Variants in PRSS56 observed in about 807,000 individuals in gnomAD.
PRSS56 encodes the protein protease, serine 56.
In PRSS56, 55 loss-of-function variants were observed where a neutral mutation model predicts 66.8. The ratio of observed to expected loss-of-function variants is 0.82; its 90% CI spans 0.66 to 1.03. The LOEUF (loss-of-function observed/expected upper bound fraction) is 1.03. PRSS56 is among the 50% of genes least tolerant of loss of function. The pLI, the probability that PRSS56 is intolerant of heterozygous loss-of-function variation, is 0.00. For missense variants in PRSS56, 869 were observed against 837.2 expected (o/e 1.04, Z -0.47); for synonymous variants, 409 against 387.9 (o/e 1.05, Z -0.64).
chr2:232,523,005 C>A, intron 6 of PRSS56, 55 bp from the exon 7 acceptor site: 2 of 1,516,452 alleles, frequency 1.3e-6, no homozygotes, highest in Non-Finnish European at 1.8e-6. Context: ...GGAAGGGGAC[C>A]CTCAAGGCGG....
intron 6 of PRSS56, 55 bp downstream of exon 6, chr2:232,522,916 A>G (rs1432231606): frequency 2.1e-6 from 3 of 1,454,932 alleles, no homozygotes; most frequent in East Asian, 2.5e-5. Flanking sequence ...GTCCGAGGTA[A>G]TAGAGTGTAG....
Position 232,523,465 on chromosome 2 carries a change from G to C in PRSS56, c.899G>C (p.Arg300Thr). The change falls in exon 8 of 13, where the codon AGA becomes ACA. Residue 300 changes from arginine (R) to threonine (T), a missense_variant. By Grantham distance (71) the Arg-to-Thr change is moderately conservative (BLOSUM62 -1). Around this residue, in one of 3 missense-constraint regions of PRSS56, gnomAD observed 551 missense variants for 506.9 expected, o/e 1.09. Transcript: ENST00000617714. ...TGTTCTGAGCCTGGCCCCCGCCCTA[G>C]AGAGGTCCTGTTCGGAGTCACCTCC... is the stretch of plus-strand genomic sequence containing the variant. ...LTCSEPGPRP[R>T]EVLFGVTSWG... 1 of 1,519,398 alleles carries C rather than the reference G, an allele frequency of 6.6e-7. No homozygotes were observed. Among genetic ancestry groups the C allele is most frequent in the South Asian group, 1.2e-5 (1 of 80,840 alleles). 94.1% of individuals were successfully genotyped at this position (1,519,398 alleles called of 1,614,324 possible).
Position 232,525,349 on chromosome 2 carries a change from CCCGGCT to C in PRSS56, c.1656_1661del (p.Arg553_Leu554del). 1.3e-6 allele frequency: 2 copies of C among 1,531,836 alleles called. No individual in the cohort carries two copies. Among genetic ancestry groups the C allele is most frequent in the East Asian group, 4.9e-5 (2 of 40,792 alleles). The allele number at this position is 1,531,836 out of a possible 1,614,324, so 94.9% of individuals were successfully genotyped here. ...CCGGCCACACTGGCTCGCAGCCTCC[CCCGGCT>C]GCTGGTGCAGGCCCTGCAGGCCTTC... On this transcript the variant is annotated inframe_deletion, in exon 13 of 13. Coordinates refer to ENST00000617714, the MANE Select transcript of PRSS56 (RefSeq NM_001195129.2).
rs547205012 is a variant in PRSS56, at chr2:232,521,973, C to G, written c.259C>G (p.Pro87Ala). The G allele has an allele frequency of 3.3e-4, 489 of 1,472,830 alleles. 1 individual carries two copies. The highest frequency in any genetic ancestry group is 4.0e-4 in the Non-Finnish European group (450 of 1,115,042). 91.2% of individuals were successfully genotyped at this position (1,472,830 alleles called of 1,614,324 possible). A position where few individuals can be genotyped will look rare whatever the true frequency, so the allele number is the denominator to read the frequency against. ...ALLQDPPEPG[P>A]CGERRPSTAN... ...TGACACCCCTTGCCCCTTTCTAGGG[C>G]CGTGCGGCGAGAGGCGTCCGAGCAC... Residue 87 changes from proline to alanine, a missense_variant and splice_region_variant, in exon 4 of 13, where the codon CCG becomes GCG. Physicochemically the swap from Pro to Ala is conservative, Grantham distance 27. Transcript: ENST00000617714.
Position 232,523,169 on chromosome 2 carries a change from C to T in PRSS56, c.816C>T (p.Ala272=). 6.0e-6 allele frequency: 9 copies of T among 1,495,274 alleles called. No homozygotes were observed. Among genetic ancestry groups the T allele is most frequent in the South Asian group, 2.5e-5 (2 of 78,738 alleles). The allele number at this position is 1,495,274 out of a possible 1,614,324, so 92.6% of individuals were successfully genotyped here. ...PGLRPSTMLC[A]GYLAGGVDSC... The stretch of plus-strand genomic sequence containing the variant: ...TGCGCCCCAGCACCATGCTCTGCGC[C>T]GGGTACCTGGCGGGGGGCGTTGACT... Residue 272 remains alanine (A), a synonymous_variant, in exon 7 of 13, where the codon GCC becomes GCT. Coordinates refer to ENST00000617714, the MANE Select transcript of PRSS56 (RefSeq NM_001195129.2).
Position 232,522,808 on chromosome 2 carries a change from A to G in PRSS56, c.653A>G (p.Glu218Gly). ...GTGTGCCTGCCCCAGGAGCCCCAGG[A>G]GCCCCCTGCCGGAACCGCCTGCGCC... Reference protein sequence around the residue: ...RPVCLPQEPQEPPAGTACAIA... With the variant: ...RPVCLPQEPQGPPAGTACAIA... Residue 218 changes from glutamate to glycine, a missense_variant, in exon 6 of 13, where the codon GAG becomes GGG. Glu to Gly is a moderately conservative substitution (Grantham distance 98). Coordinates refer to ENST00000617714, the MANE Select transcript of PRSS56 (RefSeq NM_001195129.2). 6.7e-7 allele frequency: 1 copy of G among 1,501,214 alleles called. No individual in the cohort carries two copies. The highest frequency in any genetic ancestry group is 8.9e-7 in the Non-Finnish European group (1 of 1,125,652). 93.0% of individuals were successfully genotyped at this position (1,501,214 alleles called of 1,614,324 possible).
intron 1 of PRSS56, 48 bp downstream of exon 1, chr2:232,520,743 G>C (rs1326931478): frequency 7.6e-7 from 1 of 1,318,194 alleles, no homozygotes; most frequent in Admixed American, 2.1e-5. Flanking sequence ...GGAATGTAGA[G>C]GAAGTGGGAC....
chr2:232,524,598 C>A, intron 11 of PRSS56, 140 bp from the exon 12 acceptor site: 1 of 725,896 alleles, frequency 1.4e-6, no homozygotes, highest in Non-Finnish European at 2.2e-6. Flanking sequence ...TTAACTTCTC[C>A]GAGCCTCAGT....
rs1047088023 is a variant in PRSS56, at chr2:232,521,327, C to G, written c.104C>G (p.Ser35Trp). ...GTGCCCCCTGTCCCAGCAGTTCTGT[C>G]GGCCCAGGGGACTCAGGCGTTGCAG... ...RLPPSALQVL[S>W]AQGTQALQAA... The change falls in exon 2 of 13, where the codon TCG becomes TGG. Residue 35 changes from serine to tryptophan, a missense_variant. Transcript: ENST00000617714. The G allele has an allele frequency of 1.3e-6, 2 of 1,535,616 alleles. No homozygotes were observed. Among genetic ancestry groups the G allele is most frequent in the African/African-American group, 1.4e-5 (1 of 73,170 alleles).
At chr2:232,524,490 T>C in intron 11 of PRSS56, 121 bp downstream of exon 11, 7 of 951,392 alleles carry the variant, frequency 7.4e-6, no homozygotes, top group Non-Finnish European at 1.1e-5. Flanking sequence ...GTGGACTCGT[T>C]CTCCCCTCCC....
At chr2:232,522,220 C>T in intron 4 of PRSS56, 60 bp downstream of exon 4, 3 of 1,341,666 alleles carry the variant, frequency 2.2e-6, no homozygotes, top group Non-Finnish European at 2.9e-6. Flanking sequence ...CCCGCACCTG[C>T]CGGGTTGTCC....
chr2:232,522,097 C>T lies in PRSS56; in HGVS notation c.383C>T (p.Pro128Leu). ...GTGAGGCTGCAGCTCGGCGGGCAGC[C>T]TCTGTGCGGCGGCGTCCTGGTAGCG... ...WLVRLQLGGQ[P>L]LCGGVLVAAS... Residue 128 changes from proline (P) to leucine (L), a missense_variant, in exon 4 of 13, where the codon CCT becomes CTT. By Grantham distance (98) the Pro-to-Leu change is moderately conservative (BLOSUM62 -3). This residue lies in a region of PRSS56 where 315 missense variants were observed against 313.7 expected (regional missense o/e 1.00). Coordinates refer to ENST00000617714, the MANE Select transcript of PRSS56 (RefSeq NM_001195129.2). The T allele has an allele frequency of 2.0e-6, 3 of 1,517,088 alleles. No homozygotes were observed. The highest frequency in any genetic ancestry group is 2.6e-6 in the Non-Finnish European group (3 of 1,139,320). The allele number at this position is 1,517,088 out of a possible 1,614,324, so 94.0% of individuals were successfully genotyped here.
At position 232,525,606 on chromosome 2, in the gene PRSS56, G is replaced by GGGT. The variant is rs1158096976; in HGVS notation, c.*102_*104dup. 7 of 912,426 alleles carry GGGT rather than the reference G, an allele frequency of 7.7e-6. No homozygotes were observed. Among genetic ancestry groups the GGGT allele is most frequent in the Non-Finnish European group, 9.4e-6 (6 of 640,842 alleles). 56.5% of individuals were successfully genotyped at this position (912,426 alleles called of 1,614,324 possible). ...ACAAACTGTCGCTGCCCCAGTGGCT[G>GGGT]GGTGTGTGTGGGTGGGATGGGGTGG... On this transcript the variant is annotated 3_prime_UTR_variant, in exon 13 of 13. Coordinates refer to ENST00000617714, the MANE Select transcript of PRSS56 (RefSeq NM_001195129.2).
Position 232,525,373 on chromosome 2 carries a change from A to G in PRSS56, c.1679A>G (p.Gln560Arg). Residue 560 changes from glutamine to arginine, a missense_variant, in exon 13 of 13, where the codon CAG becomes CGG. Gln to Arg is a conservative substitution (Grantham distance 43). This residue lies in a region of PRSS56 where 551 missense variants were observed against 506.9 expected (regional missense o/e 1.09). Coordinates refer to ENST00000617714, the MANE Select transcript of PRSS56 (RefSeq NM_001195129.2). ...SLPRLLVQAL[Q>R]AFRVAALAEG... ...CCCCGGCTGCTGGTGCAGGCCCTGC[A>G]GGCCTTCCGCGTGGCTGCCCTGGCA... is the stretch of plus-strand genomic sequence containing the variant. 1 of 1,533,654 alleles carries G rather than the reference A, an allele frequency of 6.5e-7. No individual in the cohort carries two copies. The highest frequency in any genetic ancestry group is 8.7e-7 in the Non-Finnish European group (1 of 1,146,020).
At chr2:232,520,986 G>A (rs1056334121) in intron 1 of PRSS56, among the ~76,000 whole-genome samples, 18 of 152,234 alleles carry the variant, frequency 1.2e-4, no homozygotes, top group Non-Finnish European at 2.4e-4. Context: ...TGTCCCGGCC[G>A]AAGGTGGGCC....
chr2:232,521,881 G>T lies in PRSS56; in HGVS notation c.256+15G>T, dbSNP rs1213435458. 14 of 1,535,028 alleles carry T rather than the reference G, an allele frequency of 9.1e-6. No individual in the cohort carries two copies. The highest frequency in any genetic ancestry group is 1.0e-5 in the Non-Finnish European group (12 of 1,146,220). On this transcript the variant is annotated intron_variant, in intron 3 of 12. Transcript: ENST00000617714. ...ACCTGAGCCAGGTGAGGTTGAAAAG[G>T]CTCGAGGGGGCAGGCCTGAGAGCCG...
In PRSS56 at chr2:232,524,127, C is replaced by A. The variant is rs1276239934; in HGVS notation, c.1275C>A (p.Ala425=). ...LGPRPGLRRL[A]PALALPAPAL... ...CTCGTCCGGGACTGCGGCGCCTGGC[C>A]CCCGCCCTGGCTCTCCCCGCTCCAG... Residue 425 remains alanine (A), a synonymous_variant, in exon 10 of 13, where the codon GCC becomes GCA. Coordinates refer to ENST00000617714, the MANE Select transcript of PRSS56 (RefSeq NM_001195129.2). The A allele has an allele frequency of 2.0e-6, 3 of 1,511,958 alleles. No individual in the cohort carries two copies. In the African/African-American group the frequency reaches 4.3e-5, roughly 21 times the overall value. The allele number at this position is 1,511,958 out of a possible 1,614,324, so 93.7% of individuals were successfully genotyped here. A position where few individuals can be genotyped will look rare whatever the true frequency, so the allele number is the denominator to read the frequency against.
intron 1 of PRSS56, 66 bp downstream of exon 1, chr2:232,520,761 G>A (rs1027255260): frequency 4.3e-5 from 48 of 1,105,770 alleles, no homozygotes; most frequent in Middle Eastern, 2.4e-4. Flanking sequence ...GACCCTGGGC[G>A]GGCGGGGACA....
chr2:232,521,813 C>A lies in PRSS56; in HGVS notation c.206-3C>A. 1 of 1,535,976 alleles carries A rather than the reference C, an allele frequency of 6.5e-7. No homozygotes were observed. The highest frequency in any genetic ancestry group is 1.2e-5 in the South Asian group (1 of 84,054). Reference sequence around the variant, plus strand: ...TGAGACTCAAAGGTCTGTTTCTCTGCAGGATCTGGGCGCCCCAGGCCTCAA... The same window carrying A: ...TGAGACTCAAAGGTCTGTTTCTCTGAAGGATCTGGGCGCCCCAGGCCTCAA... On this transcript the variant is annotated splice_region_variant and splice_polypyrimidine_tract_variant and intron_variant, in intron 2 of 12. Transcript: ENST00000617714.
Sources: allele counts gnomAD v4.1 joint callset (sites outside exome capture counted in the v4.1 genomes callset), GRCh38; gene constraint gnomAD v4.1.1; regional missense constraint gnomAD v4.1.1; transcripts MANE v1.5; gene names NCBI Gene and HGNC (gene_info 2026-07-23, HGNC 2026-07-21).